The following FOSL1 variants were observed in gnomAD, a reference collection of about 807,000 sequenced individuals.
FOSL1 encodes FOS like 1, AP-1 transcription factor subunit, also known as fos-related antigen 1.
Under a neutral mutation model 24.9 loss-of-function variants are expected in FOSL1, and 14 were observed. That is an observed-to-expected ratio of 0.56 (90% CI 0.37 to 0.88). The LOEUF is 0.88. Among genes scored for constraint, FOSL1 ranks in the 40% least tolerant of loss-of-function variants. FOSL1 has a pLI of 0.00. For missense variants in FOSL1, 318 were observed against 359.8 expected (o/e 0.88, Z 0.94); for synonymous variants, 133 against 145.1 (o/e 0.92, Z 0.60).
At chr11:65,900,090 G>A (rs1860634204) in intron 1 of FOSL1, 151 bp downstream of exon 1, 1 of 406,556 alleles carries the variant, frequency 2.5e-6, no homozygotes, top group East Asian at 3.7e-5. Flanking sequence ...GGGGCAACTG[G>A]CCCCGGACGG....
intron 2 of FOSL1, among the ~76,000 whole-genome samples, chr11:65,895,548 C>T (rs1270872861): frequency 6.6e-6 from 1 of 152,206 alleles, no homozygotes; most frequent in Non-Finnish European, 1.5e-5. Context: ...CATTGAGTGA[C>T]AGGCCAGATG....
In FOSL1 at chr11:65,892,777, A is replaced by C; in HGVS notation, c.*109T>G. On this transcript the variant is annotated 3_prime_UTR_variant, in exon 4 of 4. Transcript: ENST00000312562. ...CAGTCTCATTAGAGGGATGGAGAAGAAGTTGCTGGAGTTGGATGTGGGATA... is the reference window on the plus strand; with the variant it reads ...CAGTCTCATTAGAGGGATGGAGAAGCAGTTGCTGGAGTTGGATGTGGGATA... The C allele has an allele frequency of 9.5e-7, 1 of 1,047,282 alleles. No homozygotes were observed. The highest frequency in any genetic ancestry group is 2.4e-5 in the East Asian group (1 of 41,536). 64.9% of individuals were successfully genotyped at this position (1,047,282 alleles called of 1,614,324 possible). A position where few individuals can be genotyped will look rare whatever the true frequency, so the allele number is the denominator to read the frequency against.
intron 1 of FOSL1, among the ~76,000 whole-genome samples, chr11:65,898,732 A>G (rs1353822299): frequency 6.6e-6 from 1 of 152,176 alleles, no homozygotes; most frequent in Non-Finnish European, 1.5e-5. Flanking sequence ...GCTGAGGTAG[A>G]AGGATCACTT....
chr11:65,895,346 G>A (rs184286583), intron 2 of FOSL1, among the ~76,000 whole-genome samples: 86 of 151,634 alleles, frequency 5.7e-4, no homozygotes, highest in African/African-American at 2.0e-3. Flanking sequence ...GGATGGTCTC[G>A]ATCTCCTGAC....
intron 3 of FOSL1, 43 bp downstream of exon 3, chr11:65,893,971 G>T: frequency 7.2e-7 from 1 of 1,384,056 alleles, no homozygotes; most frequent in Non-Finnish European, 1.0e-6. Flanking sequence ...GGCTCTGGGA[G>T]ACAGGGTCCC....
rs767141115 is a variant in FOSL1 at position 65,896,848 on chromosome 11, C to G, written c.258G>C (p.Leu86=). The G allele has an allele frequency of 6.2e-7, 1 of 1,612,934 alleles. No homozygotes were observed. The highest frequency in any genetic ancestry group is 8.5e-7 in the Non-Finnish European group (1 of 1,179,260). The change falls in exon 2 of 4, where the codon CTG becomes CTC. Residue 86 remains leucine, a synonymous_variant. Transcript: ENST00000312562. ...TTCGACGTACCCCTGGAGGCGGCCC[C>G]AGGGCCCGGATGACTCCTGGCCGGG... ...PQPRPGVIRA[L]GPPPGVRRRP... is the part of the protein sequence containing the mutation.
intron 3 of FOSL1, among the ~76,000 whole-genome samples, chr11:65,893,648 G>A (rs1388725809): frequency 1.3e-5 from 2 of 152,036 alleles, no homozygotes; most frequent in Non-Finnish European, 2.9e-5. Flanking sequence ...AAAATTAGTC[G>A]GGTAGGGAGG....
chr11:65,898,085 G>GGTTGGAGTGC (rs1447801192), intron 1 of FOSL1, among the ~76,000 whole-genome samples: 1 of 88,176 alleles, frequency 1.1e-5, no homozygotes, highest in African/African-American at 4.0e-5. Context: ...TTGTCACCCA[G>GGTTGGAGTGC]GTTGGAGTGC....
intron 2 of FOSL1, among the ~76,000 whole-genome samples, chr11:65,894,468 C>T (rs1330867043): frequency 6.6e-6 from 1 of 152,156 alleles, no homozygotes; most frequent in Admixed American, 6.5e-5. Flanking sequence ...TTCTCAGCAC[C>T]CTCTTTGCAG....
At chr11:65,900,141 G>T in intron 1 of FOSL1, 100 bp downstream of exon 1, 1 of 564,312 alleles carries the variant, frequency 1.8e-6, no homozygotes, top group Non-Finnish European at 2.6e-6. Flanking sequence ...GCCCGGCCCC[G>T]ACTCCGGTTC....
intron 1 of FOSL1, among the ~76,000 whole-genome samples, chr11:65,897,874 G>A (rs1005642250): frequency 6.6e-6 from 1 of 150,902 alleles, no homozygotes; most frequent in Non-Finnish European, 1.5e-5. Flanking sequence ...TCTGGGTTCA[G>A]GCCATTCCAT....
In FOSL1 at chr11:65,892,518, G is replaced by C. The variant is rs1860410178; in HGVS notation, c.*368C>G. 1 of 489,102 alleles carries C rather than the reference G, an allele frequency of 2.0e-6. No homozygotes were observed. The highest frequency in any genetic ancestry group is 2.3e-5 in the Admixed American group (1 of 43,206). 30.3% of individuals were successfully genotyped at this position (489,102 alleles called of 1,614,324 possible). A position where few individuals can be genotyped will look rare whatever the true frequency, so the allele number is the denominator to read the frequency against. ...CACCTTCTGTCAGGAGATAGGGTTG[G>C]GTGGATCACAGGAAGAGGGTGATGG... is the stretch of plus-strand genomic sequence containing the variant. On this transcript the variant is annotated 3_prime_UTR_variant, in exon 4 of 4. Coordinates refer to ENST00000312562, the MANE Select transcript of FOSL1 (RefSeq NM_005438.5).
chr11:65,895,686 G>A (rs1250552650), intron 2 of FOSL1, among the ~76,000 whole-genome samples: 3 of 152,180 alleles, frequency 2.0e-5, no homozygotes, highest in African/African-American at 4.8e-5. Context: ...CCCCTGGCCC[G>A]CTTCTGCGGC....
chr11:65,898,537 T>C (rs1458436690), intron 1 of FOSL1, among the ~76,000 whole-genome samples: 1 of 152,202 alleles, frequency 6.6e-6, no homozygotes, highest in Non-Finnish European at 1.5e-5. Context: ...TGTGTGACCA[T>C]GGGCAAGTTA....
intron 1 of FOSL1, among the ~76,000 whole-genome samples, chr11:65,898,725 G>A (rs999189298): frequency 2.6e-5 from 4 of 152,190 alleles, no homozygotes; most frequent in African/African-American, 9.6e-5. Context: ...TTGGGAGGCT[G>A]AGGTAGAAGG....
At chr11:65,900,396 C>G, upstream of FOSL1, 1 of 966,898 alleles carries the variant, frequency 1.0e-6, no homozygotes, top group South Asian at 5.3e-5. Flanking sequence ...CTCACCCGCG[C>G]CGTGCGGAGT....
At chr11:65,893,807 A>T (rs1442740697) in intron 3 of FOSL1, among the ~76,000 whole-genome samples, 1 of 152,034 alleles carries the variant, frequency 6.6e-6, no homozygotes, top group Non-Finnish European at 1.5e-5. Context: ...CAAAAAAAAA[A>T]GGAGATTGCT....
At position 65,896,833 on chromosome 11, in the gene FOSL1, C is replaced by T; in HGVS notation, c.273G>A (p.Gly91=). 1.9e-6 allele frequency: 3 copies of T among 1,611,544 alleles called. No individual in the cohort carries two copies. The highest frequency in any genetic ancestry group is 2.5e-6 in the Non-Finnish European group (3 of 1,178,432). Residue 91 remains glycine (G), a synonymous_variant, in exon 2 of 4, where the codon GGG becomes GGA. Transcript: ENST00000312562. The stretch of plus-strand genomic sequence containing the variant: ...CCTGTTCACAAGGCCTTCGACGTAC[C>T]CCTGGAGGCGGCCCCAGGGCCCGGA... The part of the protein sequence containing the change: ...GVIRALGPPP[G]VRRRPCEQIS...
chr11:65,899,675 C>G (rs1308134191), intron 1 of FOSL1, among the ~76,000 whole-genome samples: 1 of 152,212 alleles, frequency 6.6e-6, no homozygotes, highest in Non-Finnish European at 1.5e-5. Context: ...CTGCCCGGAC[C>G]CCCCTGGACT....
Sources: gnomAD v4.1 joint callset for allele counts (sites outside exome capture counted in the v4.1 genomes callset) on GRCh38, gnomAD v4.1.1 for gene constraint, MANE v1.5 for transcripts, NCBI Gene and HGNC (gene_info 2026-07-23, HGNC 2026-07-21) for gene names.